Variants in PLEKHA5 observed in about 807,000 individuals in gnomAD.
The protein encoded by PLEKHA5 is pleckstrin homology domain-containing family A member 5.
A neutral mutation model predicts 181.9 loss-of-function variants in PLEKHA5; 55 were observed. The observed-to-expected ratio is 0.30, with a 90% CI of 0.24 to 0.38. PLEKHA5 has a LOEUF of 0.38. Among genes scored for constraint, PLEKHA5 ranks in the 10% least tolerant of loss-of-function variants. PLEKHA5 has a pLI of 1.00. For synonymous variants in PLEKHA5, 535 were observed against 529.4 expected, an observed-to-expected ratio of 1.01 and a Z score of -0.15; for missense variants, 1,432 against 1,549.5, an observed-to-expected ratio of 0.92 and a Z score of 1.27.
intron 20 of PLEKHA5, among the ~76,000 whole-genome samples, chr12:19,332,481 T>G (rs1306179249): frequency 6.6e-6 from 1 of 152,142 alleles, no homozygotes; most frequent in Non-Finnish European, 1.5e-5. Flanking sequence ...TCCTTTAACT[T>G]TTTAAAATTG....
intron 12 of PLEKHA5, among the ~76,000 whole-genome samples, chr12:19,287,067 G>A (rs1050281991): frequency 6.6e-6 from 1 of 151,804 alleles, no homozygotes; most frequent in Non-Finnish European, 1.5e-5. Flanking sequence ...GTGCTATCTC[G>A]GCTCACTGCA....
rs139016218 is a variant in PLEKHA5, at chr12:19,336,057, G to A, written c.2449-458G>A. Among the ~76,000 whole-genome samples, 513 of 152,214 alleles carry A rather than the reference G, an allele frequency of 3.4e-3. 3 individuals are homozygous for A. The highest frequency in any genetic ancestry group is 0.012 in the African/African-American group (497 of 41,530). ...TGGGGGTGATTTTTTTTCCAAAGGAGAAAAGTACAGATGGATAATAGTGTC... is the reference window on the plus strand; with the variant it reads ...TGGGGGTGATTTTTTTTCCAAAGGAAAAAAGTACAGATGGATAATAGTGTC... On this transcript the variant is annotated intron_variant, in intron 20 of 31. Transcript: ENST00000429027.
At chr12:19,152,432 A>G (rs1210470549) in intron 3 of PLEKHA5, 1 of 152,216 alleles carries the variant, frequency 6.6e-6, no homozygotes, top group South Asian at 2.1e-4. Flanking sequence ...AGAATAATTA[A>G]TAGCAATTAC....
intron 27 of PLEKHA5, 81 bp downstream of exon 27, chr12:19,358,518 G>A (rs2095066100): frequency 1.2e-6 from 1 of 812,926 alleles, no homozygotes; most frequent in Admixed American, 2.2e-5. Flanking sequence ...TGATTGATAG[G>A]TCTTAAAAGG....
chr12:19,163,321 C>A (rs1189732085), intron 3 of PLEKHA5, among the ~76,000 whole-genome samples: 1 of 152,048 alleles, frequency 6.6e-6, no homozygotes. Context: ...GGACTACAGG[C>A]GCCAGCCACA....
intron 21 of PLEKHA5, among the ~76,000 whole-genome samples, chr12:19,338,131 A>G (rs376044089): frequency 6.6e-6 from 1 of 152,162 alleles, no homozygotes; most frequent in East Asian, 1.9e-4. Context: ...GTTGTTGGGC[A>G]TATGAAATGT....
At chr12:19,245,557 G>A (rs986111164) in intron 3 of PLEKHA5, among the ~76,000 whole-genome samples, 9 of 151,504 alleles carry the variant, frequency 5.9e-5, no homozygotes, top group Non-Finnish European at 1.0e-4. Flanking sequence ...GTGAAACCCC[G>A]TCTCTACTAA....
intron 25 of PLEKHA5, among the ~76,000 whole-genome samples, chr12:19,348,760 A>G (rs972602714): frequency 6.6e-6 from 1 of 152,104 alleles, no homozygotes; most frequent in Non-Finnish European, 1.5e-5. Flanking sequence ...TTTTAACACT[A>G]TTTCTACAAT....
intron 3 of PLEKHA5, among the ~76,000 whole-genome samples, chr12:19,221,168 C>T (rs1000067955): frequency 1.3e-5 from 2 of 152,134 alleles, no homozygotes; most frequent in African/African-American, 4.8e-5. Flanking sequence ...CAGTTGAAAA[C>T]ATGTCCACAC....
intron 3 of PLEKHA5, among the ~76,000 whole-genome samples, chr12:19,242,395 C>T (rs1244642062): frequency 2.0e-5 from 3 of 150,868 alleles, no homozygotes; most frequent in Non-Finnish European, 4.4e-5. Context: ...GGCGCCACTG[C>T]ACACCTGGCT....
intron 3 of PLEKHA5, among the ~76,000 whole-genome samples, chr12:19,250,832 AT>A (rs1810385050): frequency 3.3e-5 from 5 of 152,272 alleles, no homozygotes; most frequent in African/African-American, 1.2e-4. Context: ...TTGCAAAAAT[AT>A]AGCATGTGTG....
chr12:19,250,818 C>T (rs1248204953), intron 3 of PLEKHA5, among the ~76,000 whole-genome samples: 2 of 151,796 alleles, frequency 1.3e-5, no homozygotes, highest in East Asian at 3.9e-4. Flanking sequence ...TAGTGCAATA[C>T]GTATTGCAAA....
At chr12:19,261,967 A>G (rs2068641736) in intron 7 of PLEKHA5, among the ~76,000 whole-genome samples, 1 of 152,196 alleles carries the variant, frequency 6.6e-6, no homozygotes, top group Non-Finnish European at 1.5e-5. Context: ...AGAATTAACC[A>G]ACCGTATAAA....
At chr12:19,276,785 T>C (rs898193138) in intron 11 of PLEKHA5, among the ~76,000 whole-genome samples, 1 of 152,202 alleles carries the variant, frequency 6.6e-6, no homozygotes, top group African/African-American at 2.4e-5. Context: ...AGTGGTTGGA[T>C]GGGTTATGTG....
intron 16 of PLEKHA5, among the ~76,000 whole-genome samples, chr12:19,319,282 T>C (rs190055625): frequency 6.6e-6 from 1 of 152,300 alleles, no homozygotes; most frequent in African/African-American, 2.4e-5. Context: ...CCTTAAATAG[T>C]CACAGATTCA....
chr12:19,173,265 C>T (rs969828354), intron 3 of PLEKHA5, among the ~76,000 whole-genome samples: 13 of 151,502 alleles, frequency 8.6e-5, no homozygotes, highest in Non-Finnish European at 1.8e-4. Context: ...CCTCATGATC[C>T]ACCCGCCTCG....
At chr12:19,298,153 C>G (rs1489568779) in intron 15 of PLEKHA5, among the ~76,000 whole-genome samples, 1 of 151,880 alleles carries the variant, frequency 6.6e-6, no homozygotes, top group Non-Finnish European at 1.5e-5. Flanking sequence ...GAACCGAGAT[C>G]GCACCACTGC....
chr12:19,161,147 G>T (rs2042871377), intron 3 of PLEKHA5, among the ~76,000 whole-genome samples: 1 of 152,026 alleles, frequency 6.6e-6, no homozygotes, highest in Non-Finnish European at 1.5e-5. Flanking sequence ...ATCATTCTCT[G>T]AATAAAGGCA....
intron 22 of PLEKHA5, 78 bp downstream of exon 22, chr12:19,343,512 T>G: frequency 1.2e-6 from 1 of 821,474 alleles, no homozygotes; most frequent in South Asian, 1.5e-5. Context: ...GATTACATTC[T>G]GAGAAATGCA....
Sources: allele counts gnomAD v4.1 joint callset (sites outside exome capture counted in the v4.1 genomes callset), GRCh38; gene constraint gnomAD v4.1.1; transcripts MANE v1.5; gene names NCBI Gene and HGNC (gene_info 2026-07-23, HGNC 2026-07-21).